NPAS3: variants seen among roughly 807,000 people sequenced by gnomAD.
NPAS3 encodes neuronal PAS domain-containing protein 3.
NPAS3 carries 14 observed loss-of-function variants against 73.1 expected under a neutral mutation model. That is an observed-to-expected ratio of 0.19 (90% CI 0.13 to 0.30). NPAS3 has a LOEUF of 0.30. NPAS3 is among the 10% of genes least tolerant of loss of function. The pLI, the probability that NPAS3 is intolerant of heterozygous loss-of-function variation, is 1.00. For missense variants in NPAS3, 1,096 were observed against 1,250.0 expected (o/e 0.88, Z 1.86); for synonymous variants, 620 against 541.5 (o/e 1.14, Z -2.01).
At chr14:33,222,255 A>G (rs1219984205) in intron 3 of NPAS3, among the ~76,000 whole-genome samples, 1 of 152,196 alleles carries the variant, frequency 6.6e-6, no homozygotes, top group Non-Finnish European at 1.5e-5. Flanking sequence ...TTTGGGGTAC[A>G]GCAGTTCTAT....
chr14:33,725,623 C>T (rs1489526795), intron 6 of NPAS3, among the ~76,000 whole-genome samples: 1 of 152,134 alleles, frequency 6.6e-6, no homozygotes. Context: ...ATACTCCTGT[C>T]CTGCCATCCT....
At chr14:33,586,334 G>A (rs2056862026) in intron 5 of NPAS3, among the ~76,000 whole-genome samples, 1 of 151,816 alleles carries the variant, frequency 6.6e-6, no homozygotes, top group Admixed American at 6.6e-5. Context: ...AATTTTTAGA[G>A]ATTAATTGAT....
intron 4 of NPAS3, among the ~76,000 whole-genome samples, chr14:33,411,107 T>G (rs1427970952): frequency 6.6e-6 from 1 of 152,242 alleles, no homozygotes; most frequent in Admixed American, 6.5e-5. Context: ...AGTTTCCATC[T>G]AGATTCTGGC....
chr14:32,955,964 A>G (rs1203033659), intron 1 of NPAS3, among the ~76,000 whole-genome samples: 1 of 152,132 alleles, frequency 6.6e-6, no homozygotes, highest in Non-Finnish European at 1.5e-5. Context: ...TGAAGATTAT[A>G]CCCCTGTAAC....
intron 5 of NPAS3, among the ~76,000 whole-genome samples, chr14:33,591,487 C>T (rs1242262536): frequency 6.6e-6 from 1 of 152,164 alleles, no homozygotes; most frequent in Non-Finnish European, 1.5e-5. Flanking sequence ...GCTCTGCATC[C>T]CCACTACTAA....
chr14:33,354,697 T>G (rs954766707), intron 3 of NPAS3, among the ~76,000 whole-genome samples: 1 of 152,170 alleles, frequency 6.6e-6, no homozygotes, highest in Non-Finnish European at 1.5e-5. Flanking sequence ...TTACTCAATG[T>G]CCTATCACAG....
At chr14:33,141,384 G>A (rs6571584) in intron 2 of NPAS3, among the ~76,000 whole-genome samples, 56,812 of 151,904 alleles carry the variant, frequency 0.37, 11,053 homozygotes, top group African/African-American at 0.48. Flanking sequence ...GAATTGGCAC[G>A]CTGGCCTCCA....
intron 2 of NPAS3, among the ~76,000 whole-genome samples, chr14:33,084,641 T>C (rs1482315178): frequency 6.6e-6 from 1 of 152,138 alleles, no homozygotes; most frequent in East Asian, 1.9e-4. Context: ...GGCAAGGGAA[T>C]CCTGGGGACC....
intron 2 of NPAS3, among the ~76,000 whole-genome samples, chr14:33,145,186 C>A (rs1041985579): frequency 6.6e-6 from 1 of 152,128 alleles, no homozygotes; most frequent in African/African-American, 2.4e-5. Context: ...TATTGAAAAC[C>A]TTTACCCAGA....
chr14:33,020,472 T>G (rs141005055), intron 1 of NPAS3, among the ~76,000 whole-genome samples: 50 of 152,326 alleles, frequency 3.3e-4, no homozygotes, highest in African/African-American at 1.2e-3. Flanking sequence ...ATAATTAGCA[T>G]GAAAACATTG....
In NPAS3 at chr14:33,569,630, T is replaced by A. The variant is rs76458857; in HGVS notation, c.558+9420T>A. Among the ~76,000 whole-genome samples the A allele has an allele frequency of 0.019, 2,939 of 151,878 alleles. 174 individuals carry two copies. In the East Asian group the frequency reaches 0.2, roughly 10 times the overall value. On this transcript the variant is annotated intron_variant, in intron 5 of 11. Coordinates refer to ENST00000356141, the Ensembl canonical transcript of NPAS3. ...TTTGCCATGGAAACAAAAAAAAAAATTGGTTCTTCACTAGGAACGCGCTAA... is the reference window on the plus strand; with the variant it reads ...TTTGCCATGGAAACAAAAAAAAAAAATGGTTCTTCACTAGGAACGCGCTAA...
At chr14:32,977,593 A>T (rs1231153775) in intron 1 of NPAS3, among the ~76,000 whole-genome samples, 2 of 152,106 alleles carry the variant, frequency 1.3e-5, no homozygotes, top group African/African-American at 4.8e-5. Flanking sequence ...TTAACTGGGC[A>T]TGGTGGTGTG....
chr14:33,573,021 C>CAAA (rs1172844613), intron 5 of NPAS3, among the ~76,000 whole-genome samples: 13,984 of 61,184 alleles, frequency 0.23, 1,309 homozygotes, highest in East Asian at 0.34. Flanking sequence ...GACTTCTTCT[C>CAAA]AAAAAAAAAA....
At chr14:33,382,973 G>A (rs1034792206) in intron 4 of NPAS3, among the ~76,000 whole-genome samples, 34 of 151,524 alleles carry the variant, frequency 2.2e-4, no homozygotes, top group Admixed American at 1.6e-3. Flanking sequence ...TGTAGTACTA[G>A]CTACTTTGGA....
chr14:33,752,993 A>C lies in NPAS3; in HGVS notation c.852+17661A>C, dbSNP rs544047025. On this transcript the variant is annotated intron_variant, in intron 7 of 11. Transcript: ENST00000356141. ...TAAAAAGGAAAATCATTGATGCCCC[A>C]ATCTGTGCATTATCTTTTGAGTGCA... Among the ~76,000 whole-genome samples the C allele has an allele frequency of 3.3e-5, 5 of 152,324 alleles. No individual in the cohort carries two copies. In the South Asian group the frequency reaches 1.0e-3, roughly 32 times the overall value.
intron 4 of NPAS3, among the ~76,000 whole-genome samples, chr14:33,419,302 G>A (rs1315765825): frequency 6.6e-6 from 1 of 151,556 alleles, no homozygotes; most frequent in Non-Finnish European, 1.5e-5. Flanking sequence ...TAATAAAGAT[G>A]TTATTTAGTT....
At chr14:33,747,021 T>A (rs1423728980) in intron 7 of NPAS3, among the ~76,000 whole-genome samples, 1 of 151,952 alleles carries the variant, frequency 6.6e-6, no homozygotes, top group Non-Finnish European at 1.5e-5. Flanking sequence ...ATTGTGGAAG[T>A]CAGTGTGGCA....
At chr14:33,435,037 A>G (rs1326335083) in intron 4 of NPAS3, among the ~76,000 whole-genome samples, 1 of 152,212 alleles carries the variant, frequency 6.6e-6, no homozygotes, top group Non-Finnish European at 1.5e-5. Flanking sequence ...CAGATTGGAG[A>G]TGTTTAATTC....
At chr14:33,348,628 G>T (rs1208007303) in intron 3 of NPAS3, among the ~76,000 whole-genome samples, 2 of 151,980 alleles carry the variant, frequency 1.3e-5, no homozygotes, top group African/African-American at 2.4e-5. Flanking sequence ...AGATCTTCTT[G>T]GTAGAATGTG....
Sources: gnomAD v4.1 joint callset for allele counts (sites outside exome capture counted in the v4.1 genomes callset) on GRCh38, gnomAD v4.1.1 for gene constraint, MANE v1.5 for transcripts, NCBI Gene and HGNC (gene_info 2026-07-23, HGNC 2026-07-21) for gene names.